The following SYNPO2 variants were observed in gnomAD, a reference collection of about 807,000 sequenced individuals.
SYNPO2 encodes the protein synaptopodin-2.
In SYNPO2, 56 loss-of-function variants were observed where a neutral mutation model predicts 85.0. The observed-to-expected ratio is 0.66, with a 90% CI of 0.53 to 0.82. SYNPO2 has a LOEUF of 0.82. SYNPO2 is among the 40% of genes least tolerant of loss of function. The pLI is 0.00. For synonymous variants in SYNPO2, 602 were observed against 591.1 expected, an observed-to-expected ratio of 1.02 and a Z score of -0.27; for missense variants, 1,575 against 1,534.2, an observed-to-expected ratio of 1.03 and a Z score of -0.44.
At chr4:118,854,535 C>T (rs546360564) in intron 1 of SYNPO2, among the ~76,000 whole-genome samples, 1 of 152,184 alleles carries the variant, frequency 6.6e-6, no homozygotes, top group Admixed American at 6.5e-5. Flanking sequence ...CAAGAAACAG[C>T]TGATACTATT....
intron 1 of SYNPO2, among the ~76,000 whole-genome samples, chr4:118,897,404 G>C (rs1010905912): frequency 2.0e-5 from 3 of 152,058 alleles, no homozygotes; most frequent in African/African-American, 7.2e-5. Context: ...TCTACCTATA[G>C]ATACTCCCCC....
intron 4 of SYNPO2, chr4:119,037,710 A>G (rs1738574369): frequency 1.0e-6 from 1 of 953,550 alleles, no homozygotes; most frequent in Non-Finnish European, 1.2e-6. Context: ...ATAAGTTTTG[A>G]TAATAGCTAA....
At chr4:119,040,795 C>T (rs1303453003) in intron 4 of SYNPO2, among the ~76,000 whole-genome samples, 1 of 152,252 alleles carries the variant, frequency 6.6e-6, no homozygotes, top group Non-Finnish European at 1.5e-5. Flanking sequence ...GACTACCCCA[C>T]TTCAGACCTG....
intron 1 of SYNPO2, among the ~76,000 whole-genome samples, chr4:118,950,930 C>A (rs1734672490): frequency 6.6e-6 from 1 of 152,132 alleles, no homozygotes; most frequent in African/African-American, 2.4e-5. Context: ...GAAATCTGGT[C>A]CATTTCTACA....
At position 119,030,760 on chromosome 4, in the gene SYNPO2, A is replaced by G. The variant is rs1738203859; in HGVS notation, c.1985A>G (p.Asp662Gly). Residue 662 changes from aspartate to glycine, a missense_variant, in exon 4 of 5, where the codon GAT (aspartate) becomes GGT (glycine). Physicochemically the swap from Asp to Gly is moderately conservative, Grantham distance 94. Coordinates refer to ENST00000307142, the MANE Select transcript of SYNPO2 (RefSeq NM_133477.3). ...CCGTGGTCCCAGCCAGCCTTTTACGATTCGTCTGAGCGAATAGCTTCCCGA... is the reference window on the plus strand; with the variant it reads ...CCGTGGTCCCAGCCAGCCTTTTACGGTTCGTCTGAGCGAATAGCTTCCCGA... ...PAPWSQPAFYDSSERIASRDE... is the reference protein window; with the variant it reads ...PAPWSQPAFYGSSERIASRDE... 6.2e-7 allele frequency: 1 copy of G among 1,614,098 alleles called. No individual in the cohort carries two copies. Among genetic ancestry groups the G allele is most frequent in the Non-Finnish European group, 8.5e-7 (1 of 1,180,022 alleles).
chr4:118,926,324 A>G (rs553286045), intron 1 of SYNPO2, among the ~76,000 whole-genome samples: 1 of 152,222 alleles, frequency 6.6e-6, no homozygotes, highest in East Asian at 1.9e-4. Flanking sequence ...TCCTGGTGAG[A>G]GAGGAAAAAT....
chr4:119,049,081 G>T (rs1444705410), intron 4 of SYNPO2, among the ~76,000 whole-genome samples: 2 of 152,202 alleles, frequency 1.3e-5, no homozygotes, highest in Non-Finnish European at 2.9e-5. Context: ...AGTGGAGGTT[G>T]AGAAGACTTG....
intron 1 of SYNPO2, among the ~76,000 whole-genome samples, chr4:119,000,478 GAC>G (rs1191676020): frequency 6.6e-6 from 1 of 152,186 alleles, no homozygotes; most frequent in Non-Finnish European, 1.5e-5. Context: ...GACACCCACA[GAC>G]ACACAGAGAG....
intron 1 of SYNPO2, among the ~76,000 whole-genome samples, chr4:118,963,801 A>G (rs773279928): frequency 4.6e-5 from 7 of 152,236 alleles, no homozygotes; most frequent in Non-Finnish European, 1.0e-4. Context: ...TCCTCTGACC[A>G]AACAACTTGC....
intron 1 of SYNPO2, among the ~76,000 whole-genome samples, chr4:118,996,141 T>G (rs1016578975): frequency 1.3e-5 from 2 of 152,338 alleles, no homozygotes; most frequent in East Asian, 1.9e-4. Flanking sequence ...TTCCTTGCAC[T>G]TCACATCTTG....
chr4:118,914,754 G>A (rs1340955641), intron 1 of SYNPO2, among the ~76,000 whole-genome samples: 1 of 152,042 alleles, frequency 6.6e-6, no homozygotes, highest in Non-Finnish European at 1.5e-5. Context: ...TGTAATTGGT[G>A]AGAAAACAGG....
intron 1 of SYNPO2, among the ~76,000 whole-genome samples, chr4:119,001,668 C>T (rs1736828333): frequency 6.6e-6 from 1 of 152,012 alleles, no homozygotes; most frequent in Admixed American, 6.5e-5. Context: ...TTACATATAC[C>T]TAGTTTAAAG....
rs1038208593 is a variant in SYNPO2, at chr4:118,912,331, C to T, written c.105+23190C>T. 4.3e-4 allele frequency among the ~76,000 whole-genome samples: 66 copies of T among 152,116 alleles called. 4 individuals carry two copies. The highest frequency in any genetic ancestry group is 1.5e-5 in the Non-Finnish European group (1 of 68,020). Reference sequence around the variant, plus strand: ...CAGTAGCTGGGACTACAGGTGCATGCCACCAGACCCAGCTAATTTTTGTAC... The same window carrying T: ...CAGTAGCTGGGACTACAGGTGCATGTCACCAGACCCAGCTAATTTTTGTAC... On this transcript the variant is annotated intron_variant, in intron 1 of 4. Transcript: ENST00000307142.
intron 1 of SYNPO2, among the ~76,000 whole-genome samples, chr4:118,962,991 G>A (rs535833390): frequency 9.3e-4 from 141 of 152,278 alleles, no homozygotes; most frequent in Non-Finnish European, 1.8e-3. Context: ...CCTGGTGGTG[G>A]TATATTTTGT....
chr4:118,871,735 A>G (rs1004762606), intron 1 of SYNPO2, among the ~76,000 whole-genome samples: 9 of 152,028 alleles, frequency 5.9e-5, no homozygotes, highest in African/African-American at 1.9e-4. Context: ...TGCCCGGGCT[A>G]ATTTGTTGTA....
Position 119,058,004 on chromosome 4 carries a change from C to A in SYNPO2, c.*70C>A. 6.7e-7 allele frequency: 1 copy of A among 1,485,354 alleles called. No homozygotes were observed. The highest frequency in any genetic ancestry group is 9.0e-7 in the Non-Finnish European group (1 of 1,107,110). 92.0% of individuals were successfully genotyped at this position (1,485,354 alleles called of 1,614,324 possible). ...AAACGCTCCTTTGTAGGGTTTTAAA[C>A]TTTTCTAATAGATTTAGATTCACTT... On this transcript the variant is annotated 3_prime_UTR_variant, in exon 5 of 5. Transcript: ENST00000307142.
At chr4:118,860,239 C>G (rs1366456320) in intron 1 of SYNPO2, among the ~76,000 whole-genome samples, 1 of 152,046 alleles carries the variant, frequency 6.6e-6, no homozygotes, top group African/African-American at 2.4e-5. Flanking sequence ...GTGCACAACC[C>G]CCCCGCCACT....
intron 1 of SYNPO2, among the ~76,000 whole-genome samples, chr4:118,980,552 G>C (rs1735967113): frequency 6.6e-6 from 1 of 151,836 alleles, no homozygotes; most frequent in Non-Finnish European, 1.5e-5. Flanking sequence ...TCCACCGACT[G>C]GACTAATTTT....
In SYNPO2 at chr4:118,937,317, C is replaced by A. The variant is rs113814147; in HGVS notation, c.105+48176C>A. Among the ~76,000 whole-genome samples the A allele has an allele frequency of 1.4e-3, 208 of 152,204 alleles. 1 individual carries two copies. Among genetic ancestry groups the A allele is most frequent in the African/African-American group, 4.7e-3 (196 of 41,524 alleles). Reference sequence around the variant, plus strand: ...GAACAAACTCTTTTCTGCCTTGGGACCTCTGCACATACCTCTCCCCTGCTT... The same window carrying A: ...GAACAAACTCTTTTCTGCCTTGGGAACTCTGCACATACCTCTCCCCTGCTT... On this transcript the variant is annotated intron_variant, in intron 1 of 4. Coordinates refer to ENST00000307142, the MANE Select transcript of SYNPO2 (RefSeq NM_133477.3).
Sources: gnomAD v4.1 joint callset for allele counts (sites outside exome capture counted in the v4.1 genomes callset) on GRCh38, gnomAD v4.1.1 for gene constraint, MANE v1.5 for transcripts, NCBI Gene and HGNC (gene_info 2026-07-23, HGNC 2026-07-21) for gene names.